C1orf198: variants seen among roughly 807,000 people sequenced by gnomAD.
C1orf198 encodes chromosome 1 open reading frame 198.
A neutral mutation model predicts 31.4 loss-of-function variants in C1orf198; 17 were observed. The observed-to-expected ratio is 0.54, with a 90% confidence interval of 0.37 to 0.81. The LOEUF (loss-of-function observed/expected upper bound fraction) is 0.81, where lower values mean the gene tolerates loss of function less well. Ranked by LOEUF, C1orf198 falls within the 40% of genes least tolerant of loss-of-function variation. The pLI, the probability that C1orf198 is intolerant of heterozygous loss-of-function variation, is 0.00. For missense variants in C1orf198, 401 were observed against 450.3 expected, an observed-to-expected ratio of 0.89 and a Z score of 0.99; for synonymous variants, 175 against 193.8, an observed-to-expected ratio of 0.90 and a Z score of 0.81.
chr1:230,852,201 C>T (rs1669764658), intron 2 of C1orf198, among the ~76,000 whole-genome samples: 2 of 152,212 alleles, frequency 1.3e-5, no homozygotes, highest in Non-Finnish European at 1.5e-5. Flanking sequence ...AGCTTTTGTG[C>T]TGAGTGAGAT....
intron 1 of C1orf198, among the ~76,000 whole-genome samples, chr1:230,859,920 T>TA (rs1029961283): frequency 1.3e-4 from 20 of 152,154 alleles, no homozygotes; most frequent in Admixed American, 2.0e-4. Context: ...TACTTGTTGA[T>TA]AAAAAAAATG....
At chr1:230,865,269 C>A (rs889463878) in intron 1 of C1orf198, among the ~76,000 whole-genome samples, 42 of 152,288 alleles carry the variant, frequency 2.8e-4, no homozygotes, top group African/African-American at 8.4e-4. Flanking sequence ...GGCTCCTCTC[C>A]TTTTGCTGGT....
rs58004539 is a variant in C1orf198, at chr1:230,838,514, TAA to T, written c.*1336_*1337del. On this transcript the variant is annotated 3_prime_UTR_variant, in exon 4 of 4. Coordinates refer to ENST00000366663, the MANE Select transcript of C1orf198 (RefSeq NM_032800.3). The surrounding 1 kb of genome is among the most constrained non-coding windows in gnomAD (Gnocchi z 4.2). ...CAGAAGGTCCTATGAAACAGGCATT[TAA>T]AAAAAAAAAAAAAAGAAGAAGACAC... 0.026 allele frequency: 3,773 copies of T among 142,710 alleles called. 104 individuals are homozygous for T. Among genetic ancestry groups the T allele is most frequent in the African/African-American group, 0.072 (2,826 of 39,326 alleles). The allele number at this position is 142,710 out of a possible 1,614,324, so 8.8% of individuals were successfully genotyped here.
At chr1:230,860,772 T>G (rs893794375) in intron 1 of C1orf198, among the ~76,000 whole-genome samples, 7 of 152,212 alleles carry the variant, frequency 4.6e-5, no homozygotes, top group Admixed American at 3.3e-4. Flanking sequence ...TAGTTTCACT[T>G]TAAATAATAC....
rs779974069 is a variant in C1orf198 at position 230,843,850 on chromosome 1, C to T, written c.431G>A (p.Ser144Asn). 6.5e-7 allele frequency: 1 copy of T among 1,542,048 alleles called. No homozygotes were observed. Among genetic ancestry groups the T allele is most frequent in the Admixed American group, 2.0e-5 (1 of 48,854 alleles). ...SISALSIQEP[S>N]NGTAASEPRP... ...GGGCTCGCTGGCGGCGGTGCCGTTGCTCGGCTCCTGGATGGATAGGGCGGA... is the reference window on the plus strand; with the variant it reads ...GGGCTCGCTGGCGGCGGTGCCGTTGTTCGGCTCCTGGATGGATAGGGCGGA... The change falls in exon 3 of 4, where the codon AGC becomes AAC. Residue 144 changes from serine to asparagine, a missense_variant. Coordinates refer to ENST00000366663, the MANE Select transcript of C1orf198 (RefSeq NM_032800.3). This position sits in a 1 kb window ranked among gnomAD's most constrained non-coding sequence, Gnocchi z 4.9.
At position 230,839,808 on chromosome 1, in the gene C1orf198, T is replaced by G; in HGVS notation, c.*44A>C. The G allele has an allele frequency of 6.3e-7, 1 of 1,575,456 alleles. No individual in the cohort carries two copies. On this transcript the variant is annotated 3_prime_UTR_variant, in exon 4 of 4. Coordinates refer to ENST00000366663, the MANE Select transcript of C1orf198 (RefSeq NM_032800.3). ...TTTATCCTCCTCCACCACACCACTT[T>G]GGAAAACATTTTAGGGTTCTTCATT...
At position 230,843,690 on chromosome 1, in the gene C1orf198, C is replaced by T. The variant is rs116129449; in HGVS notation, c.591G>A (p.Arg197=). 5.6e-5 allele frequency: 90 copies of T among 1,614,124 alleles called. 3 individuals carry two copies. The Admixed American group carries it at 9.0e-4, about 16-fold the overall frequency. The change falls in exon 3 of 4, where the codon CGG becomes CGA. Residue 197 remains arginine (R), a synonymous_variant. Coordinates refer to ENST00000366663, the MANE Select transcript of C1orf198 (RefSeq NM_032800.3). This position sits in a 1 kb window ranked among gnomAD's most constrained non-coding sequence, Gnocchi z 4.9. ...EASFWKINAE[R]SRGEGPEAEF... The stretch of plus-strand genomic sequence containing the variant: ...CGGCCTCAGGCCCCTCCCCTCGGGA[C>T]CGCTCAGCATTGATCTTCCAGAATG...
At chr1:230,867,186 C>T (rs1202131866) in intron 1 of C1orf198, among the ~76,000 whole-genome samples, 2 of 152,326 alleles carry the variant, frequency 1.3e-5, no homozygotes, top group Non-Finnish European at 2.9e-5. Context: ...CTTTGCTCAG[C>T]TTGACTTTGC....
chr1:230,868,398 T>G lies in C1orf198; in HGVS notation c.115A>C (p.Met39Leu), dbSNP rs1206715017. 6.3e-7 allele frequency: 1 copy of G among 1,596,220 alleles called. No homozygotes were observed. Among genetic ancestry groups the G allele is most frequent in the African/African-American group, 1.4e-5 (1 of 72,350 alleles). The change falls in exon 1 of 4, where the codon ATG becomes CTG. Residue 39 changes from methionine (M) to leucine (L), a missense_variant. Met to Leu is a conservative substitution (Grantham distance 15, BLOSUM62 2). Coordinates refer to ENST00000366663, the MANE Select transcript of C1orf198 (RefSeq NM_032800.3). ...TTGTCCTGCATGATCTTCCTGGCCA[T>G]GGGGCTCAGCGACGAGAAGTAAGTG... is the stretch of plus-strand genomic sequence containing the variant. ...RFTYFSSLSP[M>L]ARKIMQDKEK...
Position 230,838,261 on chromosome 1 carries a change from G to C in C1orf198, c.*1591C>G, listed in dbSNP as rs924138769. 1.3e-5 allele frequency: 2 copies of C among 152,158 alleles called. No homozygotes were observed. Among genetic ancestry groups the C allele is most frequent in the African/African-American group, 4.8e-5 (2 of 41,424 alleles). 9.4% of individuals were successfully genotyped at this position (152,158 alleles called of 1,614,324 possible). A position where few individuals can be genotyped will look rare whatever the true frequency, so the allele number is the denominator to read the frequency against. On this transcript the variant is annotated 3_prime_UTR_variant, in exon 4 of 4. Coordinates refer to ENST00000366663, the MANE Select transcript of C1orf198 (RefSeq NM_032800.3). The surrounding 1 kb of genome is among the most constrained non-coding windows in gnomAD (Gnocchi z 4.2). ...ATATCAACTATACTTAAATGGTACAGAAAGAACCAATATTTGAAAAGTTAC... is the reference window on the plus strand; with the variant it reads ...ATATCAACTATACTTAAATGGTACACAAAGAACCAATATTTGAAAAGTTAC...
At chr1:230,867,797 C>T (rs547020146) in intron 1 of C1orf198, among the ~76,000 whole-genome samples, 180 of 152,330 alleles carry the variant, frequency 1.2e-3, no homozygotes, top group Admixed American at 2.2e-3. Context: ...AATTGACCCA[C>T]CGCCATACAG....
At chr1:230,853,433 C>T (rs1218628133) in intron 2 of C1orf198, among the ~76,000 whole-genome samples, 1 of 151,934 alleles carries the variant, frequency 6.6e-6, no homozygotes, top group African/African-American at 2.4e-5. Context: ...TCTCTTCAAG[C>T]AGGATGGCAG....
chr1:230,859,169 CA>C (rs1382743695), intron 1 of C1orf198, among the ~76,000 whole-genome samples: 1 of 152,178 alleles, frequency 6.6e-6, no homozygotes, highest in African/African-American at 2.4e-5. Flanking sequence ...GCGGCAAGAA[CA>C]GGCTCCCTGG....
Position 230,868,309 on chromosome 1 carries a change from C to G in C1orf198, c.204G>C (p.Glu68Asp). The part of the protein sequence containing the change: ...WARLPPAQQD[E>D]IIDRCLVGPR... ...GCCCCACCAGGCACCGGTCGATGAT[C>G]TCGTCCTGCTGCGCGGGCGGCAGCC... The change falls in exon 1 of 4, where the codon GAG becomes GAC. Residue 68 changes from glutamate (E) to aspartate (D), a missense_variant. Coordinates refer to ENST00000366663, the MANE Select transcript of C1orf198 (RefSeq NM_032800.3). 6.3e-7 allele frequency: 1 copy of G among 1,597,348 alleles called. No homozygotes were observed. The highest frequency in any genetic ancestry group is 8.5e-7 in the Non-Finnish European group (1 of 1,172,858).
At position 230,859,512 on chromosome 1, in the gene C1orf198, G is replaced by A. The variant is rs115163497; in HGVS notation, c.334-3794C>T. Reference sequence around the variant, plus strand: ...GCATCCATACCAAATGGGCAGCACTGAATCTCTCCAGAAACAATGACTTCT... The same window carrying A: ...GCATCCATACCAAATGGGCAGCACTAAATCTCTCCAGAAACAATGACTTCT... On this transcript the variant is annotated intron_variant, in intron 1 of 3. Coordinates refer to ENST00000366663, the MANE Select transcript of C1orf198 (RefSeq NM_032800.3). Among the ~76,000 whole-genome samples the A allele has an allele frequency of 7.4e-4, 113 of 152,272 alleles. 1 individual carries two copies. The highest frequency in any genetic ancestry group is 1.4e-3 in the Non-Finnish European group (92 of 68,028).
intron 2 of C1orf198, among the ~76,000 whole-genome samples, chr1:230,847,575 A>T (rs1669628106): frequency 6.6e-6 from 1 of 152,282 alleles, no homozygotes; most frequent in African/African-American, 2.4e-5. Flanking sequence ...ACCAGGTATG[A>T]CATCCATGGA....
rs117359305 is a variant in C1orf198 at position 230,849,614 on chromosome 1, G to T, written c.385-5718C>A. Among the ~76,000 whole-genome samples the T allele has an allele frequency of 6.8e-4, 104 of 152,300 alleles. 3 individuals are homozygous for T. In the East Asian group the frequency reaches 0.014, roughly 21 times the overall value. On this transcript the variant is annotated intron_variant, in intron 2 of 3. Transcript: ENST00000366663. Reference sequence around the variant, plus strand: ...TTCTAAAAACAGAAGGACCACAACCGAGCCCAGTGTCTATTTTTAACGTCC... The same window carrying T: ...TTCTAAAAACAGAAGGACCACAACCTAGCCCAGTGTCTATTTTTAACGTCC...
At chr1:230,860,725 T>C (rs1205260983) in intron 1 of C1orf198, among the ~76,000 whole-genome samples, 1 of 152,206 alleles carries the variant, frequency 6.6e-6, no homozygotes, top group African/African-American at 2.4e-5. Flanking sequence ...GGGGAGTTAT[T>C]GTTTAATATA....
chr1:230,846,885 C>G (rs1313652817), intron 2 of C1orf198, among the ~76,000 whole-genome samples: 3 of 152,052 alleles, frequency 2.0e-5, no homozygotes, highest in Non-Finnish European at 4.4e-5. Flanking sequence ...GGGCGGATCA[C>G]GAGGTCAGGA....
Sources: gnomAD v4.1 joint callset for allele counts (sites outside exome capture counted in the v4.1 genomes callset) on GRCh38, gnomAD v4.1.1 for gene constraint, Gnocchi (gnomAD v3.1) non-coding constraint, MANE v1.5 for transcripts, NCBI Gene and HGNC (gene_info 2026-07-23, HGNC 2026-07-21) for gene names.